FANCL: variants seen among roughly 807,000 people sequenced by gnomAD.
FANCL encodes the protein FA complementation group L.
FANCL carries 69 observed loss-of-function variants against 59.4 expected under a neutral mutation model. That is an observed-to-expected ratio of 1.16 (90% CI 0.96 to 1.42). FANCL has a LOEUF of 1.42. Among genes scored for constraint, FANCL ranks in the 40% most tolerant of loss-of-function variants. The probability of loss-of-function intolerance (pLI) is 0.00; values close to 1 mark genes in which losing one functional copy is unlikely to be tolerated. For synonymous variants in FANCL, 180 were observed against 147.1 expected (o/e 1.22, Z -1.62); for missense variants, 519 against 447.2 (o/e 1.16, Z -1.45).
intron 7 of FANCL, among the ~76,000 whole-genome samples, chr2:58,184,240 CTT>C (rs988549646): frequency 1.1e-4 from 17 of 151,922 alleles, no homozygotes; most frequent in African/African-American, 3.1e-4. Context: ...ACAATTTACT[CTT>C]TGATCAAAAT....
intron 5 of FANCL, among the ~76,000 whole-genome samples, chr2:58,215,279 T>C (rs1002301554): frequency 1.3e-5 from 2 of 152,342 alleles, no homozygotes; most frequent in Admixed American, 6.5e-5. Context: ...ACCATTGTTA[T>C]GCTTAATTTT....
intron 5 of FANCL, among the ~76,000 whole-genome samples, chr2:58,205,680 T>C (rs1690510450): frequency 6.6e-6 from 1 of 152,024 alleles, no homozygotes; most frequent in South Asian, 2.1e-4. Flanking sequence ...CAACAACTTT[T>C]AGGAAAATGT....
intron 6 of FANCL, among the ~76,000 whole-genome samples, chr2:58,200,442 C>A (rs998981138): frequency 6.6e-6 from 1 of 151,956 alleles, no homozygotes; most frequent in Non-Finnish European, 1.5e-5. Flanking sequence ...AAATAATGTG[C>A]ACTTGAAACC....
chr2:58,176,973 C>T (rs936056576), intron 7 of FANCL, among the ~76,000 whole-genome samples: 13 of 151,998 alleles, frequency 8.6e-5, no homozygotes, highest in African/African-American at 2.2e-4. Flanking sequence ...GGGCAAAGGA[C>T]ATGAACAGAC....
intron 6 of FANCL, among the ~76,000 whole-genome samples, chr2:58,201,849 T>C (rs997550809): frequency 2.0e-5 from 3 of 151,844 alleles, no homozygotes; most frequent in African/African-American, 7.2e-5. Flanking sequence ...ATTGGGAAAG[T>C]ATGTATTCCA....
chr2:58,184,323 C>T (rs1016843378), intron 7 of FANCL, among the ~76,000 whole-genome samples: 2 of 151,962 alleles, frequency 1.3e-5, no homozygotes, highest in Non-Finnish European at 2.9e-5. Context: ...TACTTTATAT[C>T]TCCATGTATT....
At chr2:58,178,356 A>T (rs1687578594) in intron 7 of FANCL, among the ~76,000 whole-genome samples, 1 of 152,170 alleles carries the variant, frequency 6.6e-6, no homozygotes, top group Non-Finnish European at 1.5e-5. Context: ...AACCTAATCT[A>T]GCAGCACATC....
At chr2:58,172,354 G>C (rs555961204) in intron 7 of FANCL, among the ~76,000 whole-genome samples, 2 of 152,340 alleles carry the variant, frequency 1.3e-5, no homozygotes, top group South Asian at 4.1e-4. Context: ...GCACCGCCCA[G>C]TAGGGGCAGA....
At chr2:58,182,054 G>A (rs1282024944) in intron 7 of FANCL, among the ~76,000 whole-genome samples, 1 of 151,720 alleles carries the variant, frequency 6.6e-6, no homozygotes, top group African/African-American at 2.4e-5. Context: ...AAATGTCTAT[G>A]ATAAGCATTC....
chr2:58,226,583 T>C (rs1693022487), intron 4 of FANCL, 145 bp downstream of exon 4: 1 of 679,806 alleles, frequency 1.5e-6, no homozygotes, highest in Non-Finnish European at 2.6e-6. Flanking sequence ...GCGTCATCTA[T>C]ATTTATGTAC....
chr2:58,221,280 T>C (rs1444115260), intron 5 of FANCL, among the ~76,000 whole-genome samples: 1 of 151,832 alleles, frequency 6.6e-6, no homozygotes, highest in African/African-American at 2.4e-5. Context: ...TAATAATAAA[T>C]GTAATGTTTC....
intron 1 of FANCL, among the ~76,000 whole-genome samples, chr2:58,234,154 A>G (rs2103952388): frequency 6.6e-6 from 1 of 152,178 alleles, no homozygotes; most frequent in African/African-American, 2.4e-5. Context: ...ACAAAAAGAG[A>G]CTCACAAGAT....
chr2:58,177,547 C>T (rs1303637857), intron 7 of FANCL, among the ~76,000 whole-genome samples: 2 of 144,946 alleles, frequency 1.4e-5, no homozygotes, highest in Admixed American at 7.2e-5. Context: ...AACCAAACAC[C>T]GCATATTCTC....
At chr2:58,163,289 A>G in intron 9 of FANCL, 145 bp downstream of exon 9, 1 of 745,880 alleles carries the variant, frequency 1.3e-6, no homozygotes. Context: ...CCATTACACT[A>G]CATACTGGGC....
intron 5 of FANCL, among the ~76,000 whole-genome samples, chr2:58,221,689 T>C (rs1180016969): frequency 2.6e-5 from 4 of 152,154 alleles, no homozygotes; most frequent in Non-Finnish European, 1.5e-5. Context: ...AGTGAAAGTA[T>C]CTATTACGGT....
At chr2:58,221,072 T>A (rs1371026114) in intron 5 of FANCL, among the ~76,000 whole-genome samples, 1 of 150,086 alleles carries the variant, frequency 6.7e-6, no homozygotes, top group Non-Finnish European at 1.5e-5. Flanking sequence ...AATTAGCCGG[T>A]CGTGGTGGCA....
intron 7 of FANCL, among the ~76,000 whole-genome samples, chr2:58,180,810 T>TTG (rs900419735): frequency 3.9e-5 from 6 of 151,962 alleles, no homozygotes; most frequent in African/African-American, 7.2e-5. Context: ...TAAAGGTTTT[T>TTG]TGTGTGTGTG....
At chr2:58,215,456 C>T (rs1428351485) in intron 5 of FANCL, among the ~76,000 whole-genome samples, 1 of 152,000 alleles carries the variant, frequency 6.6e-6, no homozygotes, top group African/African-American at 2.4e-5. Flanking sequence ...TTGCTAAAGA[C>T]CAACACTTCT....
chr2:58,222,702 C>T (rs2103767227), intron 4 of FANCL, among the ~76,000 whole-genome samples: 1 of 152,120 alleles, frequency 6.6e-6, no homozygotes, highest in East Asian at 1.9e-4. Context: ...ATAAACATCA[C>T]TAGAATTGCT....
Sources: allele counts gnomAD v4.1 joint callset (sites outside exome capture counted in the v4.1 genomes callset), GRCh38; gene constraint gnomAD v4.1.1; transcripts MANE v1.5; gene names NCBI Gene and HGNC (gene_info 2026-07-23, HGNC 2026-07-21).